The following CLDN18 variants were observed in gnomAD, a reference collection of about 807,000 sequenced individuals.
The protein encoded by CLDN18 is claudin 18, also known as claudin-18.
In CLDN18, 20 loss-of-function variants were observed where a neutral mutation model predicts 25.0. That is an observed-to-expected ratio of 0.80 (90% CI 0.56 to 1.16). The LOEUF (loss-of-function observed/expected upper bound fraction) is 1.16, where lower values mean the gene tolerates loss of function less well. Among genes scored for constraint, CLDN18 ranks in the 50% most tolerant of loss-of-function variants. CLDN18 has a pLI of 0.00. For synonymous variants in CLDN18, 125 were observed against 135.6 expected (o/e 0.92, Z 0.54); for missense variants, 297 against 345.4 (o/e 0.86, Z 1.11).
intron 4 of CLDN18, among the ~76,000 whole-genome samples, chr3:138,030,601 A>G (rs1942380307): frequency 6.6e-6 from 1 of 152,148 alleles, no homozygotes. Context: ...TCCCCTGGAC[A>G]TTGTTTCTGG....
At chr3:138,020,734 A>T (rs1345638572) in intron 1 of CLDN18, among the ~76,000 whole-genome samples, 1 of 152,226 alleles carries the variant, frequency 6.6e-6, no homozygotes, top group Non-Finnish European at 1.5e-5. Flanking sequence ...AGGCCAGCTT[A>T]TTCCCTAAGA....
rs147784282 is a variant in CLDN18, at chr3:138,023,547, G to T, written c.221-111G>T. 157 of 1,004,746 alleles carry T rather than the reference G, an allele frequency of 1.6e-4. No homozygotes were observed. The East Asian group carries it at 3.8e-3, about 24-fold the overall frequency. 62.2% of individuals were successfully genotyped at this position (1,004,746 alleles called of 1,614,324 possible). ...AGTTTATGGACTTTGCTGTCTCTCA[G>T]AGGTTTGGTGCAGGTTAGTTGTGGT... On this transcript the variant is annotated intron_variant, in intron 1 of 4. Coordinates refer to ENST00000183605, the MANE Select transcript of CLDN18 (RefSeq NM_016369.4).
At chr3:138,005,835 A>G (rs533722111), upstream of CLDN18, among the ~76,000 whole-genome samples, 94 of 152,348 alleles carry the variant, frequency 6.2e-4, no homozygotes, top group Middle Eastern at 6.8e-3. Flanking sequence ...AGAAATGCTG[A>G]CAAAGAGTTA....
chr3:138,007,382 T>C (rs1373341775), upstream of CLDN18, among the ~76,000 whole-genome samples: 2 of 152,212 alleles, frequency 1.3e-5, no homozygotes, highest in African/African-American at 4.8e-5. Flanking sequence ...AATGAGATCA[T>C]ATCCTTTGCA....
chr3:138,020,199 G>A (rs912640902), intron 1 of CLDN18, among the ~76,000 whole-genome samples: 17 of 152,338 alleles, frequency 1.1e-4, no homozygotes, highest in Admixed American at 8.5e-4. Context: ...TTCTGGCAAT[G>A]AGCAGTGGAG....
At chr3:138,024,167 T>TAA (rs1176561423) in intron 2 of CLDN18, among the ~76,000 whole-genome samples, 1 of 142,500 alleles carries the variant, frequency 7.0e-6, no homozygotes, top group Admixed American at 7.0e-5. Context: ...ATTTTTTTAT[T>TAA]AAAAAAAAAA....
intron 1 of CLDN18, among the ~76,000 whole-genome samples, chr3:138,017,116 T>C (rs995878765): frequency 1.3e-5 from 2 of 151,946 alleles, no homozygotes; most frequent in African/African-American, 4.8e-5. Flanking sequence ...TAGCTCTTGG[T>C]ATCACTAAAT....
upstream of CLDN18, among the ~76,000 whole-genome samples, chr3:138,007,358 C>T (rs1942080306): frequency 6.6e-6 from 1 of 152,156 alleles, no homozygotes; most frequent in Non-Finnish European, 1.5e-5. Context: ...GAATACTATG[C>T]AGCCATAAAA....
At chr3:138,010,654 G>A (rs975534004) in intron 1 of CLDN18, among the ~76,000 whole-genome samples, 1 of 152,232 alleles carries the variant, frequency 6.6e-6, no homozygotes, top group Non-Finnish European at 1.5e-5. Flanking sequence ...TCAAGGCGAA[G>A]GAATCGCTAG....
intron 1 of CLDN18, among the ~76,000 whole-genome samples, chr3:138,002,334 G>A (rs1942027793): frequency 6.6e-6 from 1 of 152,160 alleles, no homozygotes; most frequent in Non-Finnish European, 1.5e-5. Context: ...TGTATTTACT[G>A]CCAATAATTG....
Position 138,029,646 on chromosome 3 carries a change from G to A in CLDN18, c.504-151G>A, listed in dbSNP as rs77881634. On this transcript the variant is annotated intron_variant, in intron 3 of 4. Coordinates refer to ENST00000183605, the MANE Select transcript of CLDN18 (RefSeq NM_016369.4). Reference sequence around the variant, plus strand: ...CTCCAGGGTACCTGATCAGTTGGCTGTGACCCACAGGAATGTGTGTTCAGG... The same window carrying A: ...CTCCAGGGTACCTGATCAGTTGGCTATGACCCACAGGAATGTGTGTTCAGG... The A allele has an allele frequency of 1.9e-5, 11 of 588,222 alleles. No individual in the cohort carries two copies. The East Asian group carries it at 3.3e-4, about 18-fold the overall frequency. 36.4% of individuals were successfully genotyped at this position (588,222 alleles called of 1,614,324 possible).
chr3:138,018,195 G>A (rs919851551), intron 1 of CLDN18, among the ~76,000 whole-genome samples: 1 of 152,180 alleles, frequency 6.6e-6, no homozygotes, highest in Admixed American at 6.5e-5. Flanking sequence ...CAGTTCTGGA[G>A]GCTGGGAAGT....
chr3:138,003,624 C>A (rs756374830), intron 1 of CLDN18, among the ~76,000 whole-genome samples: 1 of 151,944 alleles, frequency 6.6e-6, no homozygotes, highest in Non-Finnish European at 1.5e-5. Context: ...GTTTTACTAA[C>A]AAATTGTTTA....
At chr3:138,006,334 C>T (rs1334171527), upstream of CLDN18, among the ~76,000 whole-genome samples, 5 of 152,062 alleles carry the variant, frequency 3.3e-5, no homozygotes, top group Admixed American at 6.6e-5. Context: ...TGCCTAATTA[C>T]CATAGACAGT....
chr3:138,028,856 G>A (rs1394878800), intron 3 of CLDN18, among the ~76,000 whole-genome samples: 1 of 152,210 alleles, frequency 6.6e-6, no homozygotes, highest in Non-Finnish European at 1.5e-5. Context: ...GAATTCTCTT[G>A]TGAGCTGGAA....
chr3:138,014,662 A>G (rs1182516034), intron 1 of CLDN18, among the ~76,000 whole-genome samples: 2 of 152,162 alleles, frequency 1.3e-5, no homozygotes, highest in Non-Finnish European at 2.9e-5. Flanking sequence ...AAGCCAGAAA[A>G]AAACACTTCT....
At chr3:138,009,442 G>T (rs974113774), upstream of CLDN18, among the ~76,000 whole-genome samples, 24 of 152,258 alleles carry the variant, frequency 1.6e-4, no homozygotes, top group Non-Finnish European at 3.5e-4. Flanking sequence ...TCTCATCCCA[G>T]TTCCAATGCT....
Position 138,031,859 on chromosome 3 carries a change from A to G in CLDN18, c.*718A>G, listed in dbSNP as rs1942400454. The G allele has an allele frequency of 6.6e-6, 1 of 152,222 alleles. No homozygotes were observed. The highest frequency in any genetic ancestry group is 6.5e-5 in the Admixed American group (1 of 15,280). 9.4% of individuals were successfully genotyped at this position (152,222 alleles called of 1,614,324 possible). A position where few individuals can be genotyped will look rare whatever the true frequency, so the allele number is the denominator to read the frequency against. On this transcript the variant is annotated 3_prime_UTR_variant, in exon 5 of 5. Coordinates refer to ENST00000183605, the MANE Select transcript of CLDN18 (RefSeq NM_016369.4). ...GTCAGAAATTGTCCCTAGATGAATG[A>G]GAAAATTATTTTTTTTAATTTAAGT...
At chr3:138,022,628 G>A (rs1403369310) in intron 1 of CLDN18, among the ~76,000 whole-genome samples, 2 of 152,218 alleles carry the variant, frequency 1.3e-5, no homozygotes, top group African/African-American at 2.4e-5. Flanking sequence ...AACAATTGGT[G>A]TCTAGCACAT....
Sources: gnomAD v4.1 joint callset for allele counts (sites outside exome capture counted in the v4.1 genomes callset) on GRCh38, gnomAD v4.1.1 for gene constraint, MANE v1.5 for transcripts, NCBI Gene and HGNC (gene_info 2026-07-23, HGNC 2026-07-21) for gene names.